Variants in SEMA3A observed in about 807,000 individuals in gnomAD.
The protein encoded by SEMA3A is semaphorin 3A.
In SEMA3A, 29 loss-of-function variants were observed where a neutral mutation model predicts 97.9. The observed-to-expected ratio is 0.30, with a 90% confidence interval of 0.22 to 0.40. The LOEUF (loss-of-function observed/expected upper bound fraction) is 0.40, where lower values mean the gene tolerates loss of function less well. SEMA3A is among the 10% of genes least tolerant of loss of function. SEMA3A has a pLI of 1.00. For missense variants in SEMA3A, 763 were observed against 951.3 expected (o/e 0.80, Z 2.60); for synonymous variants, 321 against 323.7 (o/e 0.99, Z 0.09).
intron 2 of SEMA3A, among the ~76,000 whole-genome samples, chr7:84,315,035 C>T (rs776194827): frequency 6.6e-6 from 1 of 151,986 alleles, no homozygotes; most frequent in East Asian, 1.9e-4. Context: ...TGGTTTGCTA[C>T]GAATAATTTT....
Position 84,275,230 on chromosome 7 carries a change from C to T in SEMA3A, c.-83+31977G>A, listed in dbSNP as rs1019415245. On this transcript the variant is annotated intron_variant, in intron 3 of 3. Coordinates refer to the SEMA3A transcript ENST00000424555. ...ATAATGACATCCATACATCCACTTA[C>T]CAGACATAGATAAGAGATGATATAT... Among the ~76,000 whole-genome samples the T allele has an allele frequency of 7.2e-5, 11 of 152,088 alleles. 1 individual carries two copies. The East Asian group carries it at 1.4e-3, about 19-fold the overall frequency.
chr7:84,050,039 T>G (rs199906245), intron 5 of SEMA3A, among the ~76,000 whole-genome samples: 7,529 of 151,508 alleles, frequency 0.05, 282 homozygotes, highest in East Asian at 0.19. Flanking sequence ...ACAAAGGACA[T>G]GAACTCATCA....
chr7:83,998,900 T>A (rs1007939509), intron 12 of SEMA3A, among the ~76,000 whole-genome samples: 31 of 152,186 alleles, frequency 2.0e-4, no homozygotes, highest in Non-Finnish European at 4.4e-5. Flanking sequence ...CCACATCTTG[T>A]CCTACTGGAA....
At chr7:84,321,868 T>C (rs1584237933) in intron 2 of SEMA3A, among the ~76,000 whole-genome samples, 4 of 21,066 alleles carry the variant, frequency 1.9e-4, no homozygotes, top group Admixed American at 1.4e-3. Flanking sequence ...AGAGCGAGAC[T>C]ACGGAAAAAA....
At position 84,232,656 on chromosome 7, in the gene SEMA3A, C is replaced by T. The variant is rs536040731; in HGVS notation, c.-82-37988G>A. On this transcript the variant is annotated intron_variant, in intron 3 of 3. Coordinates refer to the SEMA3A transcript ENST00000424555. ...TAAGAAAACACTGTATTCAATATCA[C>T]ATAACTTGTCTGAGACAAGTTTAAG... 2.0e-5 allele frequency among the ~76,000 whole-genome samples: 3 copies of T among 152,050 alleles called. No homozygotes were observed. In the South Asian group the frequency reaches 6.2e-4, roughly 32 times the overall value.
chr7:84,349,051 G>A (rs532399851), intron 2 of SEMA3A, among the ~76,000 whole-genome samples: 8 of 152,244 alleles, frequency 5.3e-5, no homozygotes, highest in African/African-American at 1.9e-4. Flanking sequence ...ACATGTGTGA[G>A]TTTCAAGTTG....
At chr7:84,208,357 C>A (rs1365412546) in intron 3 of SEMA3A, among the ~76,000 whole-genome samples, 3 of 151,256 alleles carry the variant, frequency 2.0e-5, no homozygotes, top group Non-Finnish European at 4.4e-5. Context: ...GAGGCTGAGG[C>A]AGGAGAATGG....
intron 13 of SEMA3A, among the ~76,000 whole-genome samples, chr7:83,983,319 T>G (rs1279755334): frequency 2.0e-5 from 3 of 152,006 alleles, no homozygotes; most frequent in East Asian, 3.8e-4. Context: ...TGTAAGCAAT[T>G]TCAGTATATG....
intron 3 of SEMA3A, among the ~76,000 whole-genome samples, chr7:84,224,655 G>A (rs1341168620): frequency 1.3e-5 from 2 of 152,068 alleles, no homozygotes; most frequent in Admixed American, 1.3e-4. Flanking sequence ...AGGAAAGAGA[G>A]AGATTTAAGA....
At chr7:84,031,677 T>C (rs999799366) in intron 6 of SEMA3A, among the ~76,000 whole-genome samples, 15 of 151,658 alleles carry the variant, frequency 9.9e-5, no homozygotes, top group Non-Finnish European at 1.0e-4. Flanking sequence ...CTACTAAAAA[T>C]ACAAAAAAAT....
intron 15 of SEMA3A, among the ~76,000 whole-genome samples, chr7:83,973,055 T>C (rs1788981225): frequency 6.6e-6 from 1 of 152,144 alleles, no homozygotes; most frequent in Non-Finnish European, 1.5e-5. Flanking sequence ...GAGTTGAAGT[T>C]GCTTTTTTCT....
chr7:84,324,743 A>G (rs1801731880), intron 2 of SEMA3A, among the ~76,000 whole-genome samples: 1 of 152,170 alleles, frequency 6.6e-6, no homozygotes. Flanking sequence ...CTTGTGAAAA[A>G]TACATACCAA....
intron 3 of SEMA3A, among the ~76,000 whole-genome samples, chr7:84,302,144 A>T (rs1412474096): frequency 6.6e-6 from 1 of 152,182 alleles, no homozygotes; most frequent in Non-Finnish European, 1.5e-5. Context: ...TCATAGATAA[A>T]TGTATAAATT....
chr7:84,219,035 A>G (rs986589058), intron 3 of SEMA3A, among the ~76,000 whole-genome samples: 1 of 152,086 alleles, frequency 6.6e-6, no homozygotes, highest in Admixed American at 6.6e-5. Context: ...TACTCCTCTC[A>G]AGGAGACTGA....
intron 2 of SEMA3A, 133 bp from the exon 3 acceptor site, chr7:84,129,318 C>A: frequency 1.4e-6 from 1 of 701,082 alleles, no homozygotes; most frequent in South Asian, 1.7e-5. Context: ...AGGAAACTTT[C>A]ACTTTAGACC....
intron 1 of SEMA3A, among the ~76,000 whole-genome samples, chr7:84,475,517 G>A (rs919394424): frequency 3.3e-5 from 5 of 152,124 alleles, no homozygotes; most frequent in South Asian, 2.1e-4. Flanking sequence ...CGTTTTACAC[G>A]CTCACCTAAA....
intron 1 of SEMA3A, chr7:84,488,947 C>T (rs914500411): frequency 6.6e-6 from 1 of 151,978 alleles, no homozygotes; most frequent in African/African-American, 2.4e-5. Flanking sequence ...TAGTACAGTC[C>T]GGTGGTTGGG....
chr7:84,124,805 T>C (rs758200962), intron 3 of SEMA3A, among the ~76,000 whole-genome samples: 11 of 151,932 alleles, frequency 7.2e-5, no homozygotes, highest in Admixed American at 2.6e-4. Context: ...AATCCAAAAA[T>C]AACCAATGAA....
intron 6 of SEMA3A, among the ~76,000 whole-genome samples, chr7:84,028,889 G>A (rs1217850627): frequency 1.3e-5 from 2 of 152,204 alleles, no homozygotes; most frequent in African/African-American, 2.4e-5. Flanking sequence ...AAAGTGCTGG[G>A]ATTACAGGCG....
Sources: gnomAD v4.1 joint callset for allele counts (sites outside exome capture counted in the v4.1 genomes callset) on GRCh38, gnomAD v4.1.1 for gene constraint, MANE v1.5 for transcripts, NCBI Gene and HGNC (gene_info 2026-07-23, HGNC 2026-07-21) for gene names.